USP43: variants seen among roughly 807,000 people sequenced by gnomAD.
The protein encoded by USP43 is ubiquitin specific peptidase 43.
USP43 carries 33 observed loss-of-function variants against 90.7 expected under a neutral mutation model. The observed-to-expected ratio is 0.36, with a 90% CI of 0.28 to 0.49. The LOEUF is 0.49. Among genes scored for constraint, USP43 ranks in the 20% least tolerant of loss-of-function variants. The probability of loss-of-function intolerance (pLI) is 0.98; values close to 1 mark genes in which losing one functional copy is unlikely to be tolerated. For missense variants in USP43, 1,274 were observed against 1,476.4 expected (o/e 0.86, Z 2.25); for synonymous variants, 598 against 615.8 (o/e 0.97, Z 0.43).
chr17:9,726,185 C>T (rs769998491), intron 14 of USP43, among the ~76,000 whole-genome samples: 23 of 152,056 alleles, frequency 1.5e-4, no homozygotes, highest in Admixed American at 5.9e-4. Flanking sequence ...GGTGCTTGGT[C>T]GATGTGCACT....
chr17:9,724,069 C>T (rs894440012), intron 14 of USP43, among the ~76,000 whole-genome samples: 14 of 152,084 alleles, frequency 9.2e-5, no homozygotes, highest in South Asian at 6.2e-4. Flanking sequence ...CTTCTCTGAC[C>T]GCCAGACCCC....
intron 14 of USP43, among the ~76,000 whole-genome samples, chr17:9,712,782 T>A (rs1055201153): frequency 7.5e-5 from 9 of 120,744 alleles, no homozygotes; most frequent in Non-Finnish European, 1.1e-4. Flanking sequence ...AGTGGAGAGG[T>A]GTTTTTGTTT....
chr17:9,714,890 G>A (rs540562598), intron 14 of USP43, among the ~76,000 whole-genome samples: 2 of 152,272 alleles, frequency 1.3e-5, no homozygotes, highest in South Asian at 2.1e-4. Context: ...GAGAGGCTGA[G>A]TAAGGTGAGG....
chr17:9,650,322 T>C (rs1253324082), intron 1 of USP43, among the ~76,000 whole-genome samples: 2 of 152,190 alleles, frequency 1.3e-5, no homozygotes, highest in East Asian at 3.8e-4. Flanking sequence ...AATGTACCCA[T>C]TATAAGCATA....
intron 14 of USP43, among the ~76,000 whole-genome samples, chr17:9,719,129 CA>C: frequency 6.6e-6 from 1 of 151,676 alleles, no homozygotes; most frequent in East Asian, 1.9e-4. Flanking sequence ...ACTCCGTGTC[CA>C]AAAAAAAGTC....
intron 9 of USP43, 141 bp downstream of exon 9, chr17:9,693,371 TA>T: frequency 1.4e-6 from 1 of 704,818 alleles, no homozygotes; most frequent in Admixed American, 2.5e-5. Flanking sequence ...GCCGCTATGT[TA>T]GGTCATTGGG....
At chr17:9,727,905 T>A (rs186417466) in intron 14 of USP43, 49 bp from the exon 15 acceptor site, 103 of 1,546,012 alleles carry the variant, frequency 6.7e-5, no homozygotes, top group Admixed American at 2.1e-4. Flanking sequence ...TGACTGGCAT[T>A]TCAGCTGTAG....
chr17:9,693,859 A>AAACAAC (rs1246013408), intron 9 of USP43, among the ~76,000 whole-genome samples: 7 of 152,126 alleles, frequency 4.6e-5, no homozygotes, highest in Admixed American at 3.9e-4. Context: ...ACAAAAACAA[A>AAACAAC]CCAAAACACG....
chr17:9,664,829 G>C (rs1304208899), intron 2 of USP43, among the ~76,000 whole-genome samples: 2 of 152,072 alleles, frequency 1.3e-5, no homozygotes, highest in Admixed American at 6.6e-5. Context: ...AGTAGAGGTG[G>C]GGTTTCACCG....
Position 9,681,153 on chromosome 17 carries a change from T to TATATACTATATA in USP43, c.1105+793_1105+804dup, listed in dbSNP as rs1914168799. ...ATACTATATAATATATACTATATAA[T>TATATACTATATA]ATATACTATATAATATATACTATAT... is the stretch of plus-strand genomic sequence containing the variant. On this transcript the variant is annotated intron_variant, in intron 6 of 14. Coordinates refer to ENST00000285199, the MANE Select transcript of USP43 (RefSeq NM_153210.5). 6.7e-5 allele frequency among the ~76,000 whole-genome samples: 6 copies of TATATACTATATA among 89,492 alleles called. 1 individual carries two copies. Among genetic ancestry groups the TATATACTATATA allele is most frequent in the African/African-American group, 3.1e-4 (6 of 19,552 alleles). 58.7% of individuals were successfully genotyped at this position (89,492 alleles called of 152,430 possible). A position where few individuals can be genotyped will look rare whatever the true frequency, so the allele number is the denominator to read the frequency against.
At chr17:9,677,229 T>G (rs1190572487) in intron 5 of USP43, among the ~76,000 whole-genome samples, 1 of 152,224 alleles carries the variant, frequency 6.6e-6, no homozygotes, top group East Asian at 1.9e-4. Context: ...TCCTGTGAAG[T>G]AGACATTACA....
chr17:9,727,592 G>T (rs1917339431), intron 14 of USP43, among the ~76,000 whole-genome samples: 1 of 152,044 alleles, frequency 6.6e-6, no homozygotes, highest in African/African-American at 2.4e-5. Flanking sequence ...AGAAAAGCAG[G>T]AACTTTTGCT....
At chr17:9,646,808 A>G (rs866464272) in intron 1 of USP43, among the ~76,000 whole-genome samples, 2 of 152,182 alleles carry the variant, frequency 1.3e-5, no homozygotes, top group Non-Finnish European at 2.9e-5. Flanking sequence ...AGTGCCCAGC[A>G]AAGGCAGTGA....
intron 2 of USP43, among the ~76,000 whole-genome samples, chr17:9,664,226 C>T (rs1824463679): frequency 3.3e-5 from 5 of 152,218 alleles, no homozygotes; most frequent in Admixed American, 2.0e-4. Flanking sequence ...GATTCTACAA[C>T]TTACGTTGTA....
intron 7 of USP43, among the ~76,000 whole-genome samples, chr17:9,684,182 A>G (rs2151978155): frequency 6.6e-6 from 1 of 152,176 alleles, no homozygotes; most frequent in Middle Eastern, 3.4e-3. Context: ...AATAAAGACA[A>G]CATGGGAGAA....
chr17:9,680,318 G>C lies in USP43; in HGVS notation c.1057G>C (p.Val353Leu). Residue 353 changes from valine (V) to leucine (L), a missense_variant, in exon 6 of 15, where the codon GTG becomes CTG. This residue lies in a region of USP43 where 253 missense variants were observed against 276.0 expected (regional missense o/e 0.92). Transcript: ENST00000285199. ...GAATACCATCGCAGAGGGAGATAAT[G>C]TGTATGCCTTTCAAGTTCCTCCCTC... Reference protein sequence around the residue: ...DLNTIAEGDNVYAFQVPPSPS... With the variant: ...DLNTIAEGDNLYAFQVPPSPS... The C allele has an allele frequency of 6.2e-7, 1 of 1,613,912 alleles. No individual in the cohort carries two copies. Among genetic ancestry groups the C allele is most frequent in the Non-Finnish European group, 8.5e-7 (1 of 1,179,860 alleles).
chr17:9,694,453 T>A (rs1020718850), intron 9 of USP43, among the ~76,000 whole-genome samples: 13 of 152,150 alleles, frequency 8.5e-5, no homozygotes, highest in Non-Finnish European at 7.3e-5. Flanking sequence ...GTGAGCTAAT[T>A]GTCACCAGCC....
At chr17:9,711,094 G>A (rs1410396240) in intron 13 of USP43, among the ~76,000 whole-genome samples, 2 of 152,100 alleles carry the variant, frequency 1.3e-5, no homozygotes, top group African/African-American at 2.4e-5. Context: ...GAGAAAAGAA[G>A]TTTTTCTTAC....
rs1165834567 is a variant in USP43 at position 9,723,353 on chromosome 17, A to G, written c.2336-4601A>G. Reference sequence around the variant, plus strand: ...CTTGGGGGTGCCTTTTGTTCTACAGACTCAGGCCTGTCTTTAGAGAAATGT... The same window carrying G: ...CTTGGGGGTGCCTTTTGTTCTACAGGCTCAGGCCTGTCTTTAGAGAAATGT... On this transcript the variant is annotated intron_variant, in intron 14 of 14. Coordinates refer to ENST00000285199, the MANE Select transcript of USP43 (RefSeq NM_153210.5). Among the ~76,000 whole-genome samples, 7 of 151,372 alleles carry G rather than the reference A, an allele frequency of 4.6e-5. No homozygotes were observed. The East Asian group carries it at 1.2e-3, about 25-fold the overall frequency.
Sources: gnomAD v4.1 joint callset for allele counts (sites outside exome capture counted in the v4.1 genomes callset) on GRCh38, gnomAD v4.1.1 for gene constraint, gnomAD v4.1.1 regional missense constraint, MANE v1.5 for transcripts, NCBI Gene and HGNC (gene_info 2026-07-23, HGNC 2026-07-21) for gene names.